The following HNRNPC variants were observed in gnomAD, a reference collection of about 807,000 sequenced individuals.
The protein encoded by HNRNPC is heterogeneous nuclear ribonucleoprotein C.
Under a neutral mutation model 33.2 loss-of-function variants are expected in HNRNPC, and 3 were observed. That is an observed-to-expected ratio of 0.09 (90% CI 0.04 to 0.23). The LOEUF (loss-of-function observed/expected upper bound fraction) is 0.23, where lower values mean the gene tolerates loss of function less well. HNRNPC is among the 10% of genes least tolerant of loss of function. HNRNPC has a pLI of 1.00. For synonymous variants in HNRNPC, 121 were observed against 126.7 expected (o/e 0.96, Z 0.30); for missense variants, 143 against 366.7 (o/e 0.39, Z 4.98).
rs1043426715 is a variant in HNRNPC, at chr14:21,209,332, C to T, written c.*1891G>A. ...CCTACAGTGAAGGGAAAAGTAGACA[C>T]TTGATTGTGGACTAATTTGTTCAGT... On this transcript the variant is annotated 3_prime_UTR_variant, in exon 9 of 9. Transcript: ENST00000553300. 6 of 152,164 alleles carry T rather than the reference C, an allele frequency of 3.9e-5. No homozygotes were observed. The highest frequency in any genetic ancestry group is 1.4e-4 in the African/African-American group (6 of 41,428). The allele number at this position is 152,164 out of a possible 1,614,324, so 9.4% of individuals were successfully genotyped here. A position where few individuals can be genotyped will look rare whatever the true frequency, so the allele number is the denominator to read the frequency against.
intron 5 of HNRNPC, among the ~76,000 whole-genome samples, chr14:21,217,902 C>T (rs774481832): frequency 1.3e-5 from 2 of 152,100 alleles, no homozygotes; most frequent in African/African-American, 2.4e-5. Flanking sequence ...CCAGACATTT[C>T]ATGGGAAGAC....
At chr14:21,225,771 C>T (rs1045673865) in intron 5 of HNRNPC, among the ~76,000 whole-genome samples, 12 of 152,074 alleles carry the variant, frequency 7.9e-5, no homozygotes, top group Non-Finnish European at 1.6e-4. Flanking sequence ...ATAAAATTCA[C>T]CATTTAAAAG....
At chr14:21,220,472 G>A (rs1166215319) in intron 5 of HNRNPC, among the ~76,000 whole-genome samples, 5 of 152,062 alleles carry the variant, frequency 3.3e-5, no homozygotes, top group South Asian at 2.1e-4. Flanking sequence ...CAGGTGATCC[G>A]CTCGCCTCGG....
chr14:21,251,260 C>CAAAAAAAAAA (rs71419116), intron 2 of HNRNPC, among the ~76,000 whole-genome samples: 5 of 49,484 alleles, frequency 1.0e-4, no homozygotes, highest in African/African-American at 4.1e-4. Flanking sequence ...GACTCCCTCT[C>CAAAAAAAAAA]AAAAAAAAAA....
chr14:21,248,721 TTTAA>T (rs1347388797), intron 2 of HNRNPC, among the ~76,000 whole-genome samples: 1 of 152,224 alleles, frequency 6.6e-6, no homozygotes, highest in Non-Finnish European at 1.5e-5. Context: ...CAAATACATT[TTTAA>T]TTACAGTGTC....
chr14:21,211,229 G>C lies in HNRNPC; in HGVS notation c.876C>G (p.Asp292Glu). 6.2e-7 allele frequency: 1 copy of C among 1,613,870 alleles called. No individual in the cohort carries two copies. Among genetic ancestry groups the C allele is most frequent in the Non-Finnish European group, 8.5e-7 (1 of 1,179,826 alleles). ...DDRDSANGED[D>E]S ...TCTAAACCCCACTATGTGCTTAAGA[G>C]TCATCCTCGCCATTGGCGCTGTCTC... Residue 292 changes from aspartate to glutamate, a missense_variant, in exon 9 of 9, where the codon GAC (aspartate) becomes GAG (glutamate). Around this residue, in one of 2 missense-constraint regions of HNRNPC, gnomAD observed 131 missense variants for 253.0 expected, o/e 0.52. Coordinates refer to ENST00000553300, the MANE Select transcript of HNRNPC (RefSeq NM_004500.4).
rs1555351331 is a variant in HNRNPC, at chr14:21,218,704, A to AAAC, written c.366-5588_366-5587insGTT. On this transcript the variant is annotated intron_variant, in intron 5 of 8. Transcript: ENST00000553300. Reference sequence around the variant, plus strand: ...CTCAAAAAAAAAAAAAAAAAAAAAAAAAAACTGAAATTGAGTCACATGCAG... The same window carrying AAAC: ...CTCAAAAAAAAAAAAAAAAAAAAAAAAACAAAACTGAAATTGAGTCACATGCAG... Among the ~76,000 whole-genome samples the AAAC allele has an allele frequency of 6.1e-3, 835 of 136,862 alleles. 18 individuals are homozygous for AAAC. Among genetic ancestry groups the AAAC allele is most frequent in the African/African-American group, 0.015 (558 of 36,244 alleles). 89.8% of individuals were successfully genotyped at this position (136,862 alleles called of 152,430 possible).
intron 2 of HNRNPC, among the ~76,000 whole-genome samples, chr14:21,241,607 G>A (rs915255092): frequency 1.3e-5 from 2 of 152,040 alleles, no homozygotes; most frequent in Non-Finnish European, 2.9e-5. Flanking sequence ...ATTTAGGTCC[G>A]GCTACCCTAT....
chr14:21,222,066 A>G (rs7142590), intron 5 of HNRNPC, among the ~76,000 whole-genome samples: 43,350 of 125,558 alleles, frequency 0.35, 7,686 homozygotes, highest in Admixed American at 0.38. Flanking sequence ...AAAAAAAAAA[A>G]GCTGAAAAAC....
chr14:21,242,621 A>G (rs1419138629), intron 2 of HNRNPC, among the ~76,000 whole-genome samples: 1 of 152,230 alleles, frequency 6.6e-6, no homozygotes, highest in Non-Finnish European at 1.5e-5. Flanking sequence ...GGATTTGCAA[A>G]CAGATACTCT....
chr14:21,261,320 CTG>C (rs1233909588), intron 2 of HNRNPC, among the ~76,000 whole-genome samples: 1 of 152,106 alleles, frequency 6.6e-6, no homozygotes, highest in East Asian at 1.9e-4. Flanking sequence ...ATAAATCAAA[CTG>C]AACCTATAGT....
chr14:21,247,142 T>A (rs956567915), intron 2 of HNRNPC, among the ~76,000 whole-genome samples: 1 of 152,178 alleles, frequency 6.6e-6, no homozygotes, highest in African/African-American at 2.4e-5. Context: ...AATATAAGAA[T>A]CCTTATTTAT....
At chr14:21,258,305 G>T (rs757458533) in intron 2 of HNRNPC, among the ~76,000 whole-genome samples, 1 of 151,814 alleles carries the variant, frequency 6.6e-6, no homozygotes, top group South Asian at 2.1e-4. Context: ...CACAAGAATC[G>T]CTTGAACCCA....
In HNRNPC at chr14:21,224,871, T is replaced by C. The variant is rs1458870023; in HGVS notation, c.365+5448A>G. Among the ~76,000 whole-genome samples the C allele has an allele frequency of 2.6e-5, 4 of 152,160 alleles. No individual in the cohort carries two copies. In the East Asian group the frequency reaches 7.7e-4, roughly 29 times the overall value. On this transcript the variant is annotated intron_variant, in intron 5 of 8. Transcript: ENST00000553300. ...CTAATGCACTGACATATTAATATAT[T>C]TAGCCATGGAGTAATAACAGCACTC...
intron 1 of HNRNPC, among the ~76,000 whole-genome samples, chr14:21,268,828 T>C (rs1394227896): frequency 6.6e-6 from 1 of 152,180 alleles, no homozygotes; most frequent in Admixed American, 6.5e-5. Flanking sequence ...TTGTTAAACC[T>C]TTCTCGTAGG....
intron 5 of HNRNPC, among the ~76,000 whole-genome samples, chr14:21,226,348 AAG>A (rs1429646833): frequency 1.3e-5 from 2 of 151,052 alleles, no homozygotes; most frequent in Non-Finnish European, 3.0e-5. Flanking sequence ...AAAAAAAAGA[AAG>A]AAAGAATAGT....
At chr14:21,241,275 A>G (rs1441228762) in intron 2 of HNRNPC, among the ~76,000 whole-genome samples, 3 of 151,456 alleles carry the variant, frequency 2.0e-5, no homozygotes, top group African/African-American at 7.2e-5. Flanking sequence ...AAAAAAAAAA[A>G]ACCACAACCA....
At chr14:21,258,834 C>G (rs1877683080) in intron 2 of HNRNPC, among the ~76,000 whole-genome samples, 2 of 152,136 alleles carry the variant, frequency 1.3e-5, no homozygotes, top group South Asian at 4.1e-4. Flanking sequence ...ATTTGAAAAA[C>G]CAGGGCAAGT....
intron 2 of HNRNPC, among the ~76,000 whole-genome samples, chr14:21,261,484 T>C (rs879847268): frequency 2.0e-5 from 3 of 152,256 alleles, no homozygotes; most frequent in Non-Finnish European, 4.4e-5. Context: ...TCTCCCATTC[T>C]GTTTTGAGTG....
Sources: allele counts gnomAD v4.1 joint callset (sites outside exome capture counted in the v4.1 genomes callset), GRCh38; gene constraint gnomAD v4.1.1; regional missense constraint gnomAD v4.1.1; transcripts MANE v1.5; gene names NCBI Gene and HGNC (gene_info 2026-07-23, HGNC 2026-07-21).